Variants in NAALADL2 observed in about 807,000 individuals in gnomAD.
NAALADL2 encodes inactive N-acetylated-alpha-linked acidic dipeptidase-like protein 2.
In NAALADL2, 76 loss-of-function variants were observed where a neutral mutation model predicts 87.2. The ratio of observed to expected loss-of-function variants is 0.87; its 90% CI spans 0.72 to 1.05. The LOEUF (loss-of-function observed/expected upper bound fraction) is 1.05, where lower values mean the gene tolerates loss of function less well. Ranked by LOEUF, NAALADL2 falls within the 50% of genes least tolerant of loss-of-function variation. The pLI, the probability that NAALADL2 is intolerant of heterozygous loss-of-function variation, is 0.00. For missense variants in NAALADL2, 1,089 were observed against 945.8 expected (o/e 1.15, Z -1.99); for synonymous variants, 354 against 331.0 (o/e 1.07, Z -0.75).
chr3:174,868,882 A>G (rs1364258775), intron 1 of NAALADL2, among the ~76,000 whole-genome samples: 3 of 152,140 alleles, frequency 2.0e-5, no homozygotes, highest in African/African-American at 7.2e-5. Flanking sequence ...TTTAGGAGTT[A>G]TTAAGGCATA....
At chr3:174,690,485 G>C (rs1256247179) in intron 2 of NAALADL2, among the ~76,000 whole-genome samples, 2 of 152,108 alleles carry the variant, frequency 1.3e-5, no homozygotes, top group Non-Finnish European at 2.9e-5. Context: ...TTGCAAGTCT[G>C]CTTCTCTCTG....
intron 2 of NAALADL2, among the ~76,000 whole-genome samples, chr3:175,133,333 A>G (rs1390138632): frequency 1.3e-5 from 2 of 152,176 alleles, no homozygotes; most frequent in Non-Finnish European, 2.9e-5. Context: ...GGCTGGGCAG[A>G]GGCTGCAATC....
At chr3:174,532,536 G>A (rs1053589625) in intron 1 of NAALADL2, among the ~76,000 whole-genome samples, 2 of 152,112 alleles carry the variant, frequency 1.3e-5, no homozygotes, top group African/African-American at 4.8e-5. Context: ...AATCCTATAT[G>A]GAACTCAGAG....
chr3:175,802,995 T>G lies in NAALADL2; in HGVS notation c.2190-10T>G, dbSNP rs773499473. The G allele has an allele frequency of 6.9e-6, 11 of 1,592,740 alleles. No individual in the cohort carries two copies. Among genetic ancestry groups the G allele is most frequent in the Non-Finnish European group, 9.5e-6 (11 of 1,162,308 alleles). On this transcript the variant is annotated splice_polypyrimidine_tract_variant and intron_variant, in intron 13 of 13. Coordinates refer to ENST00000454872, the MANE Select transcript of NAALADL2 (RefSeq NM_207015.3). ...CATGAAACATTTATACATTTTGTAT[T>G]TCTTTTCAGAAACATCCTCTACCAC...
intron 2 of NAALADL2, among the ~76,000 whole-genome samples, chr3:175,232,089 G>A (rs1390447994): frequency 6.6e-6 from 1 of 151,696 alleles, no homozygotes; most frequent in Non-Finnish European, 1.5e-5. Flanking sequence ...GATCCAAGTA[G>A]ATATTTAAAA....
intron 9 of NAALADL2, among the ~76,000 whole-genome samples, chr3:175,506,355 A>T (rs1730311734): frequency 6.6e-6 from 1 of 152,310 alleles, no homozygotes; most frequent in South Asian, 2.1e-4. Flanking sequence ...CTTATAACGG[A>T]TGAAAACCTG....
At chr3:175,007,240 TAATTAAC>T (rs1392541327) in intron 1 of NAALADL2, among the ~76,000 whole-genome samples, 1 of 151,704 alleles carries the variant, frequency 6.6e-6, no homozygotes, top group Non-Finnish European at 1.5e-5. Context: ...AATTTTGGGT[TAATTAAC>T]AAGTATCAGA....
At chr3:175,719,531 G>T (rs914789013) in intron 11 of NAALADL2, among the ~76,000 whole-genome samples, 29 of 152,216 alleles carry the variant, frequency 1.9e-4, no homozygotes, top group African/African-American at 7.0e-4. Flanking sequence ...TAACCGTTAT[G>T]CATGACTGTT....
chr3:174,896,220 T>C (rs1731511156), intron 1 of NAALADL2, among the ~76,000 whole-genome samples: 1 of 151,962 alleles, frequency 6.6e-6, no homozygotes, highest in Non-Finnish European at 1.5e-5. Flanking sequence ...ACATCCACAC[T>C]GAAAAAGAAG....
intron 11 of NAALADL2, chr3:175,655,413 T>G (rs573188728): frequency 3.3e-6 from 1 of 304,886 alleles, no homozygotes; most frequent in African/African-American, 2.2e-5. Flanking sequence ...TTTTCCAATA[T>G]ATTTAGCTGG....
At chr3:174,546,710 C>T (rs767081450) in intron 1 of NAALADL2, among the ~76,000 whole-genome samples, 3 of 152,004 alleles carry the variant, frequency 2.0e-5, no homozygotes, top group Admixed American at 6.6e-5. Flanking sequence ...CATGCTTGAG[C>T]GCAGTGGAGC....
chr3:174,897,540 A>T (rs541138140), intron 1 of NAALADL2, among the ~76,000 whole-genome samples: 1 of 152,288 alleles, frequency 6.6e-6, no homozygotes, highest in South Asian at 2.1e-4. Flanking sequence ...GGATGTGGAG[A>T]AACAGGAACC....
chr3:175,520,907 C>G, intron 9 of NAALADL2, among the ~76,000 whole-genome samples: 1 of 152,060 alleles, frequency 6.6e-6, no homozygotes, highest in East Asian at 1.9e-4. Flanking sequence ...GAAAACAAAG[C>G]CCTACTTTTA....
intron 4 of NAALADL2, among the ~76,000 whole-genome samples, chr3:175,292,931 G>A (rs1012667203): frequency 6.6e-6 from 1 of 151,396 alleles, no homozygotes; most frequent in East Asian, 2.0e-4. Context: ...CAGCTACTCG[G>A]GAGGCTGAGG....
rs571981409 is a variant in NAALADL2 at position 174,704,713 on chromosome 3, G to A, written c.-114-32928G>A. On this transcript the variant is annotated intron_variant, in intron 2 of 3. Coordinates refer to the NAALADL2 transcript ENST00000434257. ...AATAGATAAAAAAAAACTTCCCAAGGTATGGGAAAATATTATCAATTCATA... is the reference window on the plus strand; with the variant it reads ...AATAGATAAAAAAAAACTTCCCAAGATATGGGAAAATATTATCAATTCATA... Among the ~76,000 whole-genome samples the A allele has an allele frequency of 4.6e-5, 7 of 151,976 alleles. No individual in the cohort carries two copies. The South Asian group carries it at 1.5e-3, about 32-fold the overall frequency.
chr3:175,294,362 G>GAA lies in NAALADL2; in HGVS notation c.940-29804_940-29803dup, dbSNP rs58182588. Among the ~76,000 whole-genome samples, 16 of 148,450 alleles carry GAA rather than the reference G, an allele frequency of 1.1e-4. No individual in the cohort carries two copies. The East Asian group carries it at 1.6e-3, about 15-fold the overall frequency. On this transcript the variant is annotated intron_variant, in intron 4 of 13. Transcript: ENST00000454872. ...TTTTTAATATTCACCACTGTGTATAGAAAAAAAAAAGGATAAATAAGGCTG... is the reference window on the plus strand; with the variant it reads ...TTTTTAATATTCACCACTGTGTATAGAAAAAAAAAAAAGGATAAATAAGGCTG...
chr3:175,300,666 ATTGT>A (rs1341270039), intron 4 of NAALADL2, among the ~76,000 whole-genome samples: 4 of 150,048 alleles, frequency 2.7e-5, no homozygotes, highest in Non-Finnish European at 3.0e-5. Flanking sequence ...TGTCTATTTG[ATTGT>A]TCTCTCTTTT....
intron 2 of NAALADL2, among the ~76,000 whole-genome samples, chr3:175,184,164 A>G (rs1010728667): frequency 6.6e-6 from 1 of 152,032 alleles, no homozygotes; most frequent in Non-Finnish European, 1.5e-5. Flanking sequence ...TGTGTGCCCC[A>G]TTTCCTAAAA....
chr3:174,844,615 C>T lies in NAALADL2; in HGVS notation c.-9+106869C>T, dbSNP rs145460546. Among the ~76,000 whole-genome samples, 253 of 152,090 alleles carry T rather than the reference C, an allele frequency of 1.7e-3. 1 individual carries two copies. The highest frequency in any genetic ancestry group is 5.6e-3 in the African/African-American group (232 of 41,512). On this transcript the variant is annotated intron_variant, in intron 3 of 3. Coordinates refer to the NAALADL2 transcript ENST00000434257. The stretch of plus-strand genomic sequence containing the variant: ...TGGCATTATAACAATATTGATTCTT[C>T]CAATCCGTAAACATTGAATATGTCT...
Sources: allele counts gnomAD v4.1 joint callset (sites outside exome capture counted in the v4.1 genomes callset), GRCh38; gene constraint gnomAD v4.1.1; transcripts MANE v1.5; gene names NCBI Gene and HGNC (gene_info 2026-07-23, HGNC 2026-07-21).